DVL1: variants seen among roughly 807,000 people sequenced by gnomAD.
DVL1 encodes segment polarity protein dishevelled homolog DVL-1.
Under a neutral mutation model 65.0 loss-of-function variants are expected in DVL1, and 49 were observed. That is an observed-to-expected ratio of 0.75 (90% CI 0.60 to 0.96). The LOEUF (loss-of-function observed/expected upper bound fraction) is 0.96, where lower values mean the gene tolerates loss of function less well. Among genes scored for constraint, DVL1 ranks in the 40% least tolerant of loss-of-function variants. The pLI is 0.00. For synonymous variants in DVL1, 608 were observed against 433.9 expected (o/e 1.40, Z -4.99); for missense variants, 1,197 against 1,045.4 (o/e 1.15, Z -2.00).
At position 1,339,803 on chromosome 1, in the gene DVL1, C is replaced by T. The variant is rs1465734388; in HGVS notation, c.919G>A (p.Val307Met). 12 of 1,610,346 alleles carry T rather than the reference C, an allele frequency of 7.5e-6. No homozygotes were observed. In the Middle Eastern group the frequency reaches 4.9e-4, roughly 66 times the overall value. The change falls in exon 9 of 15, where the codon GTG becomes ATG. Residue 307 changes from valine (V) to methionine (M), a missense_variant. Coordinates refer to ENST00000378888, the MANE Select transcript of DVL1 (RefSeq NM_001330311.2). ...TCATTGCTCATGTTCTCAAAGTTCA[C>T]GTCATTCACCTGCAGGGGTGGGGAT... is the stretch of plus-strand genomic sequence containing the variant. ...PGDMLLQVND[V>M]NFENMSNDDA...
In DVL1 at chr1:1,349,114, T is replaced by G. The variant is rs1224051590; in HGVS notation, c.-49A>C. The G allele has an allele frequency of 1.5e-5, 17 of 1,099,076 alleles. No homozygotes were observed. Among genetic ancestry groups the G allele is most frequent in the Non-Finnish European group, 1.9e-5 (17 of 893,450 alleles). The allele number at this position is 1,099,076 out of a possible 1,614,324, so 68.1% of individuals were successfully genotyped here. ...GCGCGCTCAGGGCCCGGCCCGGGGC[T>G]CGGACGCGGGGCGCTACCCGCCCGC... is the stretch of plus-strand genomic sequence containing the variant. On this transcript the variant is annotated 5_prime_UTR_variant, in exon 1 of 15. Coordinates refer to ENST00000378888, the MANE Select transcript of DVL1 (RefSeq NM_001330311.2). This position sits in a 1 kb window ranked among gnomAD's most constrained non-coding sequence, Gnocchi z 4.1.
chr1:1,338,339 G>GA lies in DVL1; in HGVS notation c.1436dup (p.Leu480ProfsTer80), dbSNP rs750102353. On this transcript the variant is annotated frameshift_variant, in exon 13 of 15. Coordinates refer to ENST00000378888, the MANE Select transcript of DVL1 (RefSeq NM_001330311.2). LOFTEE classifies it high-confidence loss of function. ...TGATCTTGTTGACCGTGTGCCGCAG[G>GA]AAGCCGTGCTTCAGCAAGCTGCTGG... 1 of 1,612,678 alleles carries GA rather than the reference G, an allele frequency of 6.2e-7. No homozygotes were observed. Among genetic ancestry groups the GA allele is most frequent in the Non-Finnish European group, 8.5e-7 (1 of 1,179,836 alleles).
chr1:1,338,971 C>G (rs917422735), intron 11 of DVL1, among the ~76,000 whole-genome samples: 1 of 152,238 alleles, frequency 6.6e-6, no homozygotes, highest in Admixed American at 6.5e-5. Context: ...GCATGCCCCA[C>G]CCGAGAGCGC....
At position 1,336,323 on chromosome 1, in the gene DVL1, G is replaced by A; in HGVS notation, c.1907C>T (p.Ala636Val). 1 of 1,580,244 alleles carries A rather than the reference G, an allele frequency of 6.3e-7. No homozygotes were observed. The highest frequency in any genetic ancestry group is 2.3e-5 in the East Asian group (1 of 44,014). Residue 636 changes from alanine (A) to valine (V), a missense_variant, in exon 15 of 15, where the codon GCT (alanine) becomes GTT (valine). Ala to Val is a moderately conservative substitution (Grantham distance 64, BLOSUM62 0). Transcript: ENST00000378888. ...GGGCGGGGGGAGCCCCGGGGCGGTA[G>A]CCGAGGCCTGACTGCGTGGGCTGCT... is the stretch of plus-strand genomic sequence containing the variant. ...RGSSPRSQAS[A>V]TAPGLPPPHP...
intron 1 of DVL1, among the ~76,000 whole-genome samples, chr1:1,344,226 G>C (rs927190147): frequency 6.6e-6 from 1 of 152,222 alleles, no homozygotes; most frequent in South Asian, 2.1e-4. Flanking sequence ...CCCGGGACTT[G>C]GGCCCAGTGG....
In DVL1 at chr1:1,337,900, T is replaced by C. The variant is rs1253627981; in HGVS notation, c.1714+77A>G. 3.7e-6 allele frequency: 4 copies of C among 1,093,004 alleles called. No individual in the cohort carries two copies. The South Asian group carries it at 5.5e-5, about 15-fold the overall frequency. The allele number at this position is 1,093,004 out of a possible 1,614,324, so 67.7% of individuals were successfully genotyped here. ...GAGCAGCAGCGGGGTGGGGTGGAAC[T>C]GGGGGCGGAGCAGCAGTGGAGTGGG... is the stretch of plus-strand genomic sequence containing the variant. On this transcript the variant is annotated intron_variant, in intron 14 of 14. Coordinates refer to ENST00000378888, the MANE Select transcript of DVL1 (RefSeq NM_001330311.2).
intron 5 of DVL1, among the ~76,000 whole-genome samples, chr1:1,340,963 C>T (rs1569712790): frequency 1.4e-5 from 2 of 141,106 alleles, no homozygotes; most frequent in African/African-American, 2.7e-5. Context: ...CTGCACACTA[C>T]ACACCTGCAC....
At chr1:1,347,720 C>G (rs1217081502) in intron 1 of DVL1, among the ~76,000 whole-genome samples, 1 of 152,228 alleles carries the variant, frequency 6.6e-6, no homozygotes, top group Admixed American at 6.5e-5. Context: ...GGGAGGAGCC[C>G]GGACCAGACT....
intron 1 of DVL1, 63 bp downstream of exon 1, chr1:1,348,833 C>G: frequency 7.2e-7 from 1 of 1,383,634 alleles, no homozygotes; most frequent in African/African-American, 1.6e-5. Flanking sequence ...GCCCCGTCCC[C>G]GCGCGGGCAG....
At position 1,339,819 on chromosome 1, in the gene DVL1, G is replaced by A. The variant is rs200192499; in HGVS notation, c.910-7C>T. 7 of 1,606,728 alleles carry A rather than the reference G, an allele frequency of 4.4e-6. No individual in the cohort carries two copies. The highest frequency in any genetic ancestry group is 4.5e-5 in the East Asian group (2 of 44,828). On this transcript the variant is annotated splice_region_variant and splice_polypyrimidine_tract_variant and intron_variant, in intron 8 of 14. Coordinates refer to ENST00000378888, the MANE Select transcript of DVL1 (RefSeq NM_001330311.2). ...CAAAGTTCACGTCATTCACCTGCAGGGGTGGGGATTAGGGTGGTGCAGGCA... is the reference window on the plus strand; with the variant it reads ...CAAAGTTCACGTCATTCACCTGCAGAGGTGGGGATTAGGGTGGTGCAGGCA...
rs182531 is a variant in DVL1 at position 1,342,216 on chromosome 1, C to T, written c.363-60G>A. The T allele has an allele frequency of 0.01, 15,566 of 1,510,344 alleles. 1,233 individuals are homozygous for T. The African/African-American group carries it at 0.18, about 17-fold the overall frequency. The allele number at this position is 1,510,344 out of a possible 1,614,324, so 93.6% of individuals were successfully genotyped here. A position where few individuals can be genotyped will look rare whatever the true frequency, so the allele number is the denominator to read the frequency against. On this transcript the variant is annotated intron_variant, in intron 3 of 14. Coordinates refer to ENST00000378888, the MANE Select transcript of DVL1 (RefSeq NM_001330311.2). ...TGGCCCCAGCCCCTCAGATGCCGCC[C>T]AGCCCAGCCTCCCCTCGCCTGTGGG...
chr1:1,345,076 C>T (rs565457761), intron 1 of DVL1, among the ~76,000 whole-genome samples: 30 of 152,258 alleles, frequency 2.0e-4, no homozygotes, highest in African/African-American at 6.7e-4. Flanking sequence ...GTACAGCACC[C>T]GCCTGGCTCC....
chr1:1,348,961 G>A lies in DVL1; in HGVS notation c.105C>T (p.Asn35=), dbSNP rs759394933. Residue 35 remains asparagine, a synonymous_variant, in exon 1 of 15, where the codon AAC becomes AAT. Transcript: ENST00000378888. ...CGTGCACGGGCCGGTTGCTGAGCAC[G>A]TTCTTGAAGTCGGCCAGCGTGACGC... is the stretch of plus-strand genomic sequence containing the variant. ...PERVTLADFK[N]VLSNRPVHAY... is the part of the protein sequence containing the mutation. 3 of 1,575,028 alleles carry A rather than the reference G, an allele frequency of 1.9e-6. No homozygotes were observed. Among genetic ancestry groups the A allele is most frequent in the Admixed American group, 1.7e-5 (1 of 58,154 alleles).
At chr1:1,336,749 G>A (rs1327330935) in intron 14 of DVL1, among the ~76,000 whole-genome samples, 2 of 152,174 alleles carry the variant, frequency 1.3e-5, no homozygotes, top group Non-Finnish European at 2.9e-5. Context: ...GGGGCAAGCT[G>A]GGCGCCCCCA....
In DVL1 at chr1:1,349,150, C is replaced by T. The variant is rs1643976516; in HGVS notation, c.-85G>A. On this transcript the variant is annotated 5_prime_UTR_variant, in exon 1 of 15. Transcript: ENST00000378888. The surrounding 1 kb of genome is among the most constrained non-coding windows in gnomAD (Gnocchi z 4.1). ...GCGCTACCCGCCCGCCCGCCTGCGC[C>T]CCGCCCGGCCCGCACCGCTCTCGGC... is the stretch of plus-strand genomic sequence containing the variant. The T allele has an allele frequency of 3.7e-6, 3 of 807,300 alleles. No individual in the cohort carries two copies. Among genetic ancestry groups the T allele is most frequent in the Admixed American group, 1.3e-4 (2 of 15,602 alleles). The allele number at this position is 807,300 out of a possible 1,614,324, so 50.0% of individuals were successfully genotyped here. A position where few individuals can be genotyped will look rare whatever the true frequency, so the allele number is the denominator to read the frequency against.
chr1:1,335,621 T>G lies in DVL1; in HGVS notation c.*521A>C, dbSNP rs1449448251. 6.4e-6 allele frequency: 1 copy of G among 155,772 alleles called. No homozygotes were observed. Among genetic ancestry groups the G allele is most frequent in the Non-Finnish European group, 1.4e-5 (1 of 70,172 alleles). The allele number at this position is 155,772 out of a possible 1,614,324, so 9.6% of individuals were successfully genotyped here. On this transcript the variant is annotated 3_prime_UTR_variant, in exon 15 of 15. Transcript: ENST00000378888. Reference sequence around the variant, plus strand: ...CTTCCGGTCCCGTCCTCCACGTACTTTCAGACTGTTGCCGGATGGGAGGAG... The same window carrying G: ...CTTCCGGTCCCGTCCTCCACGTACTGTCAGACTGTTGCCGGATGGGAGGAG...
Position 1,339,819 on chromosome 1 carries a change from G to T in DVL1, c.910-7C>A. The T allele has an allele frequency of 6.2e-7, 1 of 1,606,846 alleles. No individual in the cohort carries two copies. Among genetic ancestry groups the T allele is most frequent in the Non-Finnish European group, 8.5e-7 (1 of 1,179,586 alleles). On this transcript the variant is annotated splice_region_variant and splice_polypyrimidine_tract_variant and intron_variant, in intron 8 of 14. Transcript: ENST00000378888. ...CAAAGTTCACGTCATTCACCTGCAG[G>T]GGTGGGGATTAGGGTGGTGCAGGCA...
At chr1:1,337,118 G>GCACCCACCCGC (rs1553173124) in intron 14 of DVL1, 1 of 987,454 alleles carries the variant, frequency 1.0e-6, no homozygotes, top group African/African-American at 1.7e-5. Flanking sequence ...CACCTGCCCA[G>GCACCCACCCGC]CACCCACCCG....
chr1:1,340,481 T>C lies in DVL1; in HGVS notation c.628A>G (p.Ser210Gly). The change falls in exon 6 of 15, where the codon AGC (serine) becomes GGC (glycine). Residue 210 changes from serine (S) to glycine (G), a missense_variant. Transcript: ENST00000378888. ...TTCCGGATGAGTCTGGATGAGGTGC[T>C]CTGCTCCGTGGAGCTGCTGAGCCTG... ...TSRLSSSTEQ[S>G]TSSRLIRKHK... 6.2e-7 allele frequency: 1 copy of C among 1,609,210 alleles called. No homozygotes were observed.
Sources: allele counts gnomAD v4.1 joint callset (sites outside exome capture counted in the v4.1 genomes callset), GRCh38; gene constraint gnomAD v4.1.1; non-coding constraint Gnocchi (gnomAD v3.1); transcripts MANE v1.5; gene names NCBI Gene and HGNC (gene_info 2026-07-23, HGNC 2026-07-21).